The following RARB variants were observed in gnomAD, a reference collection of about 807,000 sequenced individuals.
RARB encodes HBV-activated protein.
In RARB, 17 loss-of-function variants were observed where a neutral mutation model predicts 51.9. The ratio of observed to expected loss-of-function variants is 0.33; its 90% CI spans 0.22 to 0.49. The LOEUF (loss-of-function observed/expected upper bound fraction) is 0.49, where lower values mean the gene tolerates loss of function less well. Ranked by LOEUF, RARB falls within the 20% of genes least tolerant of loss-of-function variation. RARB has a pLI of 0.99. For synonymous variants in RARB, 215 were observed against 195.4 expected, an observed-to-expected ratio of 1.10 and a Z score of -0.84; for missense variants, 369 against 550.8, an observed-to-expected ratio of 0.67 and a Z score of 3.30.
intron 4 of RARB, among the ~76,000 whole-genome samples, chr3:25,133,074 G>A (rs2125333833): frequency 6.6e-6 from 1 of 151,962 alleles, no homozygotes; most frequent in South Asian, 2.1e-4. Flanking sequence ...TTATTGCTCT[G>A]AGTTTTCATT....
intron 4 of RARB, among the ~76,000 whole-genome samples, chr3:25,150,728 T>C (rs568190027): frequency 6.6e-6 from 1 of 152,322 alleles, no homozygotes; most frequent in African/African-American, 2.4e-5. Flanking sequence ...AGGAAAGAAC[T>C]TCTTTGAACT....
chr3:24,996,485 C>T (rs1037948875), intron 2 of RARB, among the ~76,000 whole-genome samples: 20 of 151,958 alleles, frequency 1.3e-4, no homozygotes, highest in African/African-American at 4.8e-4. Flanking sequence ...TTACTATTTT[C>T]TTCTAATTTT....
intron 5 of RARB, among the ~76,000 whole-genome samples, chr3:25,256,645 A>C (rs1702871513): frequency 6.6e-6 from 1 of 152,202 alleles, no homozygotes; most frequent in African/African-American, 2.4e-5. Context: ...TATGACCAAA[A>C]CTCAAAGGAC....
intron 5 of RARB, among the ~76,000 whole-genome samples, chr3:25,205,514 G>A (rs536094999): frequency 2.6e-5 from 4 of 152,036 alleles, no homozygotes; most frequent in South Asian, 2.1e-4. Flanking sequence ...CTTCTGCGTT[G>A]CTCACTCTGG....
intron 2 of RARB, among the ~76,000 whole-genome samples, chr3:24,940,689 G>A (rs1236921561): frequency 6.6e-6 from 1 of 152,132 alleles, no homozygotes; most frequent in African/African-American, 2.4e-5. Flanking sequence ...AGCACATGCG[G>A]AGGGAAAGGC....
intron 3 of RARB, among the ~76,000 whole-genome samples, chr3:25,123,291 G>A (rs1379535706): frequency 3.3e-5 from 5 of 152,110 alleles, no homozygotes; most frequent in Admixed American, 6.6e-5. Flanking sequence ...TCAATTTTCA[G>A]GACTGAGCAT....
intron 5 of RARB, among the ~76,000 whole-genome samples, chr3:25,316,899 C>G (rs1266853238): frequency 6.6e-6 from 1 of 152,242 alleles, no homozygotes; most frequent in Admixed American, 6.5e-5. Flanking sequence ...ATCCAGTTAA[C>G]CGTCTCATTG....
intron 4 of RARB, among the ~76,000 whole-genome samples, chr3:25,161,645 C>T (rs1700474672): frequency 6.6e-6 from 1 of 152,222 alleles, no homozygotes; most frequent in Admixed American, 6.5e-5. Context: ...CATTCTCTTC[C>T]ACCATTTTGC....
intron 4 of RARB, among the ~76,000 whole-genome samples, chr3:25,153,871 T>C (rs1469843424): frequency 6.6e-6 from 1 of 152,186 alleles, no homozygotes; most frequent in Non-Finnish European, 1.5e-5. Context: ...CAATATTCTG[T>C]TCACAATATT....
chr3:24,966,627 T>TCG (rs1696279811), intron 2 of RARB, among the ~76,000 whole-genome samples: 1 of 151,022 alleles, frequency 6.6e-6, no homozygotes, highest in African/African-American at 2.5e-5. Flanking sequence ...TCTCTCTCTC[T>TCG]CTCTCTCTCT....
intron 5 of RARB, among the ~76,000 whole-genome samples, chr3:25,210,926 A>AT (rs1701681226): frequency 6.6e-6 from 1 of 152,118 alleles, no homozygotes; most frequent in South Asian, 2.1e-4. Context: ...TAATGTTGAT[A>AT]TGGATTCTTC....
intron 3 of RARB, among the ~76,000 whole-genome samples, chr3:25,092,905 C>T (rs1372492144): frequency 6.6e-6 from 1 of 152,138 alleles, no homozygotes; most frequent in Non-Finnish European, 1.5e-5. Flanking sequence ...ACTTATTCTA[C>T]AGCTAAGAGA....
At chr3:25,437,108 A>G (rs571450370) in intron 1 of RARB, among the ~76,000 whole-genome samples, 18 of 142,298 alleles carry the variant, frequency 1.3e-4, no homozygotes, top group South Asian at 7.0e-4. Context: ...TGCCTTTGCT[A>G]AAAGCAAACT....
At chr3:25,023,011 C>T (rs936903576) in intron 2 of RARB, among the ~76,000 whole-genome samples, 10 of 152,258 alleles carry the variant, frequency 6.6e-5, no homozygotes, top group Admixed American at 2.6e-4. Flanking sequence ...ATCACTTTAG[C>T]TGCTGCATGG....
At position 25,008,147 on chromosome 3, in the gene RARB, G is replaced by A. The variant is rs534276824; in HGVS notation, c.-379-51978G>A. Among the ~76,000 whole-genome samples the A allele has an allele frequency of 2.0e-5, 3 of 152,224 alleles. No homozygotes were observed. In the East Asian group the frequency reaches 5.8e-4, roughly 29 times the overall value. ...CTACAGATTTCTTGGCCTACAAGCT[G>A]ATGTCTGACTCATAACAGTGTTTCG... On this transcript the variant is annotated intron_variant, in intron 2 of 11. Transcript: ENST00000383772.
chr3:25,346,857 C>A lies in RARB; in HGVS notation c.179-114336C>A, dbSNP rs866873583. ...TTGAGGGCCTATTGGGGGATCTACC[C>A]TGTGCCAGGCCCCCAAAAGGAGGCT... On this transcript the variant is annotated intron_variant, in intron 5 of 11. Coordinates refer to the RARB transcript ENST00000383772. Among the ~76,000 whole-genome samples the A allele has an allele frequency of 5.8e-4, 88 of 152,192 alleles. 1 individual carries two copies. Among genetic ancestry groups the A allele is most frequent in the Non-Finnish European group, 8.7e-4 (59 of 68,034 alleles).
chr3:25,167,265 T>C (rs1700575881), intron 4 of RARB, among the ~76,000 whole-genome samples: 1 of 152,212 alleles, frequency 6.6e-6, no homozygotes, highest in African/African-American at 2.4e-5. Flanking sequence ...ATATAATGGA[T>C]TAAAAGACGT....
At chr3:25,112,178 T>C (rs1465561885) in intron 3 of RARB, among the ~76,000 whole-genome samples, 1 of 152,144 alleles carries the variant, frequency 6.6e-6, no homozygotes, top group Non-Finnish European at 1.5e-5. Flanking sequence ...GATCTGTAAA[T>C]GAGACCAGAT....
chr3:25,013,154 C>T (rs981040198), intron 2 of RARB, among the ~76,000 whole-genome samples: 3 of 152,084 alleles, frequency 2.0e-5, no homozygotes, highest in African/African-American at 7.2e-5. Context: ...TTGCAGACAG[C>T]ATTGCCTTGA....
Sources: gnomAD v4.1 joint callset for allele counts (sites outside exome capture counted in the v4.1 genomes callset) on GRCh38, gnomAD v4.1.1 for gene constraint, MANE v1.5 for transcripts, NCBI Gene and HGNC (gene_info 2026-07-23, HGNC 2026-07-21) for gene names.